The following CCDC126 variants were observed in gnomAD, a reference collection of about 807,000 sequenced individuals.
CCDC126 encodes coiled-coil domain-containing protein 126.
In CCDC126, 5 loss-of-function variants were observed where a neutral mutation model predicts 11.7. The observed-to-expected ratio is 0.43, with a 90% CI of 0.22 to 0.90. CCDC126 has a LOEUF of 0.90. Ranked by LOEUF, CCDC126 falls within the 40% of genes least tolerant of loss-of-function variation. The pLI, the probability that CCDC126 is intolerant of heterozygous loss-of-function variation, is 0.27. For missense variants in CCDC126, 150 were observed against 163.1 expected (o/e 0.92, Z 0.44); for synonymous variants, 60 against 61.9 (o/e 0.97, Z 0.14).
intron 2 of CCDC126, among the ~76,000 whole-genome samples, chr7:23,606,811 A>G (rs987691741): frequency 2.2e-4 from 34 of 152,158 alleles, no homozygotes; most frequent in African/African-American, 8.0e-4. Flanking sequence ...ACAGTGGCTC[A>G]CACCTGCCAT....
chr7:23,623,772 A>T (rs998813806), intron 3 of CCDC126, among the ~76,000 whole-genome samples: 1 of 152,204 alleles, frequency 6.6e-6, no homozygotes, highest in African/African-American at 2.4e-5. Context: ...AGTATTGGAT[A>T]TGTTAACTAG....
chr7:23,616,798 G>A (rs1206785022), intron 3 of CCDC126, among the ~76,000 whole-genome samples: 1 of 152,118 alleles, frequency 6.6e-6, no homozygotes, highest in African/African-American at 2.4e-5. Flanking sequence ...GGCCCTCAGT[G>A]GGACATCCTG....
chr7:23,642,389 T>C (rs1175101531), intron 3 of CCDC126, among the ~76,000 whole-genome samples: 1 of 152,166 alleles, frequency 6.6e-6, no homozygotes, highest in South Asian at 2.1e-4. Flanking sequence ...ATCCATTATA[T>C]CGCACTAGAA....
chr7:23,611,955 A>T (rs1042272895), intron 3 of CCDC126, among the ~76,000 whole-genome samples: 1 of 152,124 alleles, frequency 6.6e-6, no homozygotes, highest in African/African-American at 2.4e-5. Context: ...CATCCTGGCT[A>T]ACACGGTAAA....
chr7:23,637,954 G>A (rs1179306590), intron 3 of CCDC126, among the ~76,000 whole-genome samples: 45 of 122,976 alleles, frequency 3.7e-4, no homozygotes, highest in South Asian at 8.9e-4. Flanking sequence ...CGCCCCGTCC[G>A]GGAGGGAGGT....
At chr7:23,638,246 T>C (rs1451904474) in intron 3 of CCDC126, among the ~76,000 whole-genome samples, 5 of 151,960 alleles carry the variant, frequency 3.3e-5, no homozygotes, top group Non-Finnish European at 2.9e-5. Context: ...TGGGCCATGA[T>C]GACAATGGCG....
In CCDC126 at chr7:23,635,170, A is replaced by G. The variant is rs187062985; in HGVS notation, c.239-7761A>G. Among the ~76,000 whole-genome samples the G allele has an allele frequency of 3.1e-3, 466 of 152,346 alleles. 7 individuals carry two copies. Among genetic ancestry groups the G allele is most frequent in the African/African-American group, 9.9e-3 (411 of 41,582 alleles). Reference sequence around the variant, plus strand: ...TTTCTAAATTGGATCCTTCATTTCTATCTCAGTGATGATGCCACCTACCAA... The same window carrying G: ...TTTCTAAATTGGATCCTTCATTTCTGTCTCAGTGATGATGCCACCTACCAA... On this transcript the variant is annotated intron_variant, in intron 3 of 3. Coordinates refer to ENST00000307471, the MANE Select transcript of CCDC126 (RefSeq NM_138771.4).
At chr7:23,624,877 C>T (rs558635768) in intron 3 of CCDC126, among the ~76,000 whole-genome samples, 5 of 152,282 alleles carry the variant, frequency 3.3e-5, no homozygotes, top group African/African-American at 1.2e-4. Context: ...GGATCTCATG[C>T]TCTTGCCCAG....
intron 3 of CCDC126, among the ~76,000 whole-genome samples, chr7:23,618,702 C>T (rs536559377): frequency 2.0e-5 from 3 of 151,680 alleles, no homozygotes; most frequent in Non-Finnish European, 2.9e-5. Flanking sequence ...AGGCATGCAC[C>T]ACCGCGCCCA....
At chr7:23,611,631 C>A in intron 3 of CCDC126, 78 bp downstream of exon 3, 1 of 964,084 alleles carries the variant, frequency 1.0e-6, no homozygotes, top group Non-Finnish European at 1.6e-6. Flanking sequence ...CTTATTACTT[C>A]ATGCATAGGT....
intron 3 of CCDC126, among the ~76,000 whole-genome samples, chr7:23,624,516 C>T (rs984868044): frequency 1.3e-5 from 2 of 152,158 alleles, no homozygotes; most frequent in African/African-American, 4.8e-5. Flanking sequence ...TGGTATATAT[C>T]AGCATTTGGC....
intron 2 of CCDC126, among the ~76,000 whole-genome samples, chr7:23,604,839 A>G (rs967822585): frequency 6.6e-5 from 10 of 152,140 alleles, no homozygotes; most frequent in Admixed American, 5.9e-4. Context: ...TACTAAAAAA[A>G]TACAAAAAAT....
chr7:23,600,385 C>CCA (rs1554359072), intron 2 of CCDC126, among the ~76,000 whole-genome samples: 2 of 145,556 alleles, frequency 1.4e-5, no homozygotes, highest in African/African-American at 2.5e-5. Context: ...CCCCCCCCCC[C>CCA]CCACCACCAT....
At chr7:23,617,348 C>CAAAAAAAAAAAAAAAAAAA (rs35391703) in intron 3 of CCDC126, among the ~76,000 whole-genome samples, 1 of 36,236 alleles carries the variant, frequency 2.8e-5, no homozygotes. Flanking sequence ...ATGCTGTCTC[C>CAAAAAAAAAAAAAAAAAAA]AAAAAAAAAA....
chr7:23,628,086 A>T lies in CCDC126; in HGVS notation c.239-14845A>T, dbSNP rs144817502. Reference sequence around the variant, plus strand: ...AAAACAGTGTTATAAGCATTTTCAGAAGCAGGCTATTGGAGATTATCTTTT... The same window carrying T: ...AAAACAGTGTTATAAGCATTTTCAGTAGCAGGCTATTGGAGATTATCTTTT... On this transcript the variant is annotated intron_variant, in intron 3 of 3. Coordinates refer to ENST00000307471, the MANE Select transcript of CCDC126 (RefSeq NM_138771.4). Among the ~76,000 whole-genome samples the T allele has an allele frequency of 8.5e-5, 13 of 152,280 alleles. 2 individuals carry two copies. Among genetic ancestry groups the T allele is most frequent in the African/African-American group, 3.1e-4 (13 of 41,568 alleles).
At chr7:23,612,875 T>C (rs1782740712) in intron 3 of CCDC126, among the ~76,000 whole-genome samples, 1 of 152,326 alleles carries the variant, frequency 6.6e-6, no homozygotes, top group Non-Finnish European at 1.5e-5. Context: ...GGTCCTGTTG[T>C]GTTTTAAGTT....
chr7:23,611,171 A>G lies in CCDC126; in HGVS notation c.-145A>G. 1 of 621,728 alleles carries G rather than the reference A, an allele frequency of 1.6e-6. No homozygotes were observed. The highest frequency in any genetic ancestry group is 2.9e-6 in the Non-Finnish European group (1 of 349,202). 38.5% of individuals were successfully genotyped at this position (621,728 alleles called of 1,614,324 possible). A position where few individuals can be genotyped will look rare whatever the true frequency, so the allele number is the denominator to read the frequency against. On this transcript the variant is annotated splice_region_variant and 5_prime_UTR_variant, in exon 3 of 4. An upstream open reading frame in the 5' UTR loses its in-frame stop. Transcript: ENST00000307471. Reference sequence around the variant, plus strand: ...ACTGTTTTTCTTCTTAATTTTACAGAGTTAATAGAGTGGATACAACCTTGC... The same window carrying G: ...ACTGTTTTTCTTCTTAATTTTACAGGGTTAATAGAGTGGATACAACCTTGC...
At chr7:23,642,721 C>T (rs895367677) in intron 3 of CCDC126, among the ~76,000 whole-genome samples, 2 of 151,632 alleles carry the variant, frequency 1.3e-5, no homozygotes, top group Non-Finnish European at 2.9e-5. Flanking sequence ...CGAGATCATG[C>T]CACTGCACTC....
chr7:23,630,576 G>T (rs1307411934), intron 3 of CCDC126, among the ~76,000 whole-genome samples: 1 of 151,882 alleles, frequency 6.6e-6, no homozygotes, highest in African/African-American at 2.4e-5. Context: ...GGAGGCCAAG[G>T]TGGGCAGATT....
Sources: allele counts gnomAD v4.1 joint callset (sites outside exome capture counted in the v4.1 genomes callset), GRCh38; gene constraint gnomAD v4.1.1; transcripts MANE v1.5; gene names NCBI Gene and HGNC (gene_info 2026-07-23, HGNC 2026-07-21).